The following PLEKHA3 variants were observed in gnomAD, a reference collection of about 807,000 sequenced individuals.
PLEKHA3 encodes the protein pleckstrin homology domain-containing family A member 3.
A neutral mutation model predicts 39.2 loss-of-function variants in PLEKHA3; 19 were observed. That is an observed-to-expected ratio of 0.48 (90% CI 0.34 to 0.71). The LOEUF (loss-of-function observed/expected upper bound fraction) is 0.71. Among genes scored for constraint, PLEKHA3 ranks in the 30% least tolerant of loss-of-function variants. The pLI, the probability that PLEKHA3 is intolerant of heterozygous loss-of-function variation, is 0.01. For synonymous variants in PLEKHA3, 97 were observed against 118.6 expected (o/e 0.82, Z 1.18); for missense variants, 253 against 359.5 (o/e 0.70, Z 2.40).
At position 178,514,410 on chromosome 2, in the gene PLEKHA3, T is replaced by A. The variant is rs1317549427; in HGVS notation, c.*10523T>A. On this transcript the variant is annotated 3_prime_UTR_variant, in exon 8 of 8. Coordinates refer to ENST00000234453, the MANE Select transcript of PLEKHA3 (RefSeq NM_019091.4). ...TCTAACTTTGCATAACTTTGCTAGA[T>A]TATATATATCTTTACTCACAATAAG... The A allele has an allele frequency of 2.0e-5, 3 of 152,112 alleles. No homozygotes were observed. Among genetic ancestry groups the A allele is most frequent in the Non-Finnish European group, 4.4e-5 (3 of 68,018 alleles). 9.4% of individuals were successfully genotyped at this position (152,112 alleles called of 1,614,324 possible).
rs1685731542 is a variant in PLEKHA3, at chr2:178,514,454, A to G, written c.*10567A>G. On this transcript the variant is annotated 3_prime_UTR_variant, in exon 8 of 8. Transcript: ENST00000234453. ...CAATAAGCAAAGTTGAACAACTTAA[A>G]ATTGATTCCCTGTTTTCTGTTTTCA... The G allele has an allele frequency of 6.6e-6, 1 of 152,054 alleles. No individual in the cohort carries two copies. The highest frequency in any genetic ancestry group is 2.4e-5 in the African/African-American group (1 of 41,410). 9.4% of individuals were successfully genotyped at this position (152,054 alleles called of 1,614,324 possible). A position where few individuals can be genotyped will look rare whatever the true frequency, so the allele number is the denominator to read the frequency against.
At chr2:178,497,705 T>C (rs1012443798) in intron 5 of PLEKHA3, among the ~76,000 whole-genome samples, 2 of 152,156 alleles carry the variant, frequency 1.3e-5, no homozygotes, top group Non-Finnish European at 2.9e-5. Context: ...GCTGTGTTCC[T>C]GAGGTTGATA....
Position 178,499,203 on chromosome 2 carries a change from AT to A in PLEKHA3, c.616-5del. On this transcript the variant is annotated splice_polypyrimidine_tract_variant and splice_region_variant and intron_variant, in intron 5 of 7. Coordinates refer to ENST00000234453, the MANE Select transcript of PLEKHA3 (RefSeq NM_019091.4). ...GCTAATTTTTTTTTTTTTTTCCAAA[AT>A]TTCTAGATGAAGCGTTCTGTCAGCC... 6.3e-7 allele frequency: 1 copy of A among 1,597,554 alleles called. No individual in the cohort carries two copies. Among genetic ancestry groups the A allele is most frequent in the Non-Finnish European group, 8.5e-7 (1 of 1,174,370 alleles).
At position 178,502,519 on chromosome 2, in the gene PLEKHA3, C is replaced by G. The variant is rs1003003178; in HGVS notation, c.776-1241C>G. ...CTCTGATTCTCTTTATTCTTTATGCCTTTTACACATGACTCTTAATCCAGA... is the reference window on the plus strand; with the variant it reads ...CTCTGATTCTCTTTATTCTTTATGCGTTTTACACATGACTCTTAATCCAGA... On this transcript the variant is annotated intron_variant, in intron 7 of 7. Coordinates refer to ENST00000234453, the MANE Select transcript of PLEKHA3 (RefSeq NM_019091.4). 6 of 205,418 alleles carry G rather than the reference C, an allele frequency of 2.9e-5. No homozygotes were observed. In the Admixed American group the frequency reaches 3.0e-4, roughly 10 times the overall value. The allele number at this position is 205,418 out of a possible 1,614,324, so 12.7% of individuals were successfully genotyped here.
At chr2:178,502,701 T>G (rs189716509) in intron 7 of PLEKHA3, among the ~76,000 whole-genome samples, 3 of 151,976 alleles carry the variant, frequency 2.0e-5, no homozygotes, top group Non-Finnish European at 4.4e-5. Context: ...CCTGAATATT[T>G]GAAAACAATT....
rs1246431999 is a variant in PLEKHA3 at position 178,512,005 on chromosome 2, C to G, written c.*8118C>G. On this transcript the variant is annotated 3_prime_UTR_variant, in exon 8 of 8. Transcript: ENST00000234453. ...ATTTACTGTGGGCCAGGTGCTTTAC[C>G]TCATGTTAGCCTTATAACAGAGATG... 6.6e-6 allele frequency: 1 copy of G among 152,198 alleles called. No individual in the cohort carries two copies. The highest frequency in any genetic ancestry group is 2.4e-5 in the African/African-American group (1 of 41,428). The allele number at this position is 152,198 out of a possible 1,614,324, so 9.4% of individuals were successfully genotyped here. A position where few individuals can be genotyped will look rare whatever the true frequency, so the allele number is the denominator to read the frequency against.
rs899866661 is a variant in PLEKHA3 at position 178,505,738 on chromosome 2, G to T, written c.*1851G>T. The T allele has an allele frequency of 4.6e-5, 7 of 151,772 alleles. No homozygotes were observed. The highest frequency in any genetic ancestry group is 8.8e-5 in the Non-Finnish European group (6 of 67,842). 9.4% of individuals were successfully genotyped at this position (151,772 alleles called of 1,614,324 possible). ...AAAATAATCACATCCATTTTCTATT[G>T]CTTTACCCAAATAGATGGGTTCGTG... On this transcript the variant is annotated 3_prime_UTR_variant, in exon 8 of 8. Coordinates refer to ENST00000234453, the MANE Select transcript of PLEKHA3 (RefSeq NM_019091.4).
rs1685736284 is a variant in PLEKHA3, at chr2:178,514,753, C to T, written c.*10866C>T. 6.6e-6 allele frequency: 1 copy of T among 150,856 alleles called. No homozygotes were observed. Among genetic ancestry groups the T allele is most frequent in the Admixed American group, 6.6e-5 (1 of 15,136 alleles). 9.3% of individuals were successfully genotyped at this position (150,856 alleles called of 1,614,324 possible). A position where few individuals can be genotyped will look rare whatever the true frequency, so the allele number is the denominator to read the frequency against. ...GCATATCAGTGCTTTACCTTAGTCA[C>T]TTTTTGTGTTTTGATCACCCTTAGT... is the stretch of plus-strand genomic sequence containing the variant. On this transcript the variant is annotated 3_prime_UTR_variant, in exon 8 of 8. Transcript: ENST00000234453.
At chr2:178,481,049 T>C (rs1685154844) in intron 1 of PLEKHA3, 140 bp downstream of exon 1, 3 of 746,406 alleles carry the variant, frequency 4.0e-6, no homozygotes, top group Non-Finnish European at 5.7e-6. Context: ...GCTTGTTGAG[T>C]CCTTCTGGCC....
intron 1 of PLEKHA3, among the ~76,000 whole-genome samples, chr2:178,484,537 T>TC (rs1685217790): frequency 6.6e-6 from 1 of 152,182 alleles, no homozygotes; most frequent in South Asian, 2.1e-4. Flanking sequence ...CTGACCCATC[T>TC]CCCCTCTCGG....
intron 4 of PLEKHA3, among the ~76,000 whole-genome samples, chr2:178,494,879 C>T (rs534814429): frequency 6.6e-6 from 1 of 151,812 alleles, no homozygotes; most frequent in South Asian, 2.1e-4. Flanking sequence ...AACAAAAATC[C>T]CAGAAATTCC....
rs1248412655 is a variant in PLEKHA3 at position 178,514,169 on chromosome 2, A to G, written c.*10282A>G. 6.7e-6 allele frequency: 1 copy of G among 148,706 alleles called. No homozygotes were observed. The highest frequency in any genetic ancestry group is 6.7e-5 in the Admixed American group (1 of 14,904). The allele number at this position is 148,706 out of a possible 1,614,324, so 9.2% of individuals were successfully genotyped here. On this transcript the variant is annotated 3_prime_UTR_variant, in exon 8 of 8. Transcript: ENST00000234453. Reference sequence around the variant, plus strand: ...GTACGCACACTTACTGTGGTTTACCATCATGACCATGGATAGCAAACTGCC... The same window carrying G: ...GTACGCACACTTACTGTGGTTTACCGTCATGACCATGGATAGCAAACTGCC...
chr2:178,513,748 T>G lies in PLEKHA3; in HGVS notation c.*9861T>G, dbSNP rs1008839619. 1.0e-4 allele frequency: 15 copies of G among 149,890 alleles called. No homozygotes were observed. Among genetic ancestry groups the G allele is most frequent in the African/African-American group, 2.9e-4 (12 of 41,038 alleles). The allele number at this position is 149,890 out of a possible 1,614,324, so 9.3% of individuals were successfully genotyped here. The stretch of plus-strand genomic sequence containing the variant: ...TTGGTCAAAATAGAGAGTTGTGGGT[T>G]TTTTTTTTTGTTTGACAACAATCAA... On this transcript the variant is annotated 3_prime_UTR_variant, in exon 8 of 8. Transcript: ENST00000234453.
chr2:178,497,851 A>T (rs1175017445), intron 5 of PLEKHA3, among the ~76,000 whole-genome samples: 2 of 152,192 alleles, frequency 1.3e-5, no homozygotes, highest in Non-Finnish European at 2.9e-5. Context: ...AGTCCAGAGA[A>T]GTCAATGCGT....
At chr2:178,494,325 T>C (rs879549820) in intron 4 of PLEKHA3, among the ~76,000 whole-genome samples, 2 of 152,188 alleles carry the variant, frequency 1.3e-5, no homozygotes, top group Non-Finnish European at 1.5e-5. Flanking sequence ...TCTCTTTTTT[T>C]GGTAATAAGG....
In PLEKHA3 at chr2:178,513,960, G is replaced by A. The variant is rs1685724432; in HGVS notation, c.*10073G>A. 1 of 152,126 alleles carries A rather than the reference G, an allele frequency of 6.6e-6. No individual in the cohort carries two copies. Among genetic ancestry groups the A allele is most frequent in the African/African-American group, 2.4e-5 (1 of 41,414 alleles). 9.4% of individuals were successfully genotyped at this position (152,126 alleles called of 1,614,324 possible). A position where few individuals can be genotyped will look rare whatever the true frequency, so the allele number is the denominator to read the frequency against. On this transcript the variant is annotated 3_prime_UTR_variant, in exon 8 of 8. Transcript: ENST00000234453. The stretch of plus-strand genomic sequence containing the variant: ...CCAGTGGTATTTGTGGTCGCTAGGG[G>A]TTGCTGGGTTATCCAAGTGATTCAG...
At position 178,490,925 on chromosome 2, in the gene PLEKHA3, A is replaced by G. The variant is rs1685332961; in HGVS notation, c.313+111A>G. ...ATCTATCCCAAGGAAATAATTAGAAATGTAGATTTACGTATATCTTTATCA... is the reference window on the plus strand; with the variant it reads ...ATCTATCCCAAGGAAATAATTAGAAGTGTAGATTTACGTATATCTTTATCA... On this transcript the variant is annotated intron_variant, in intron 3 of 7. Coordinates refer to ENST00000234453, the MANE Select transcript of PLEKHA3 (RefSeq NM_019091.4). 4.6e-6 allele frequency: 4 copies of G among 867,874 alleles called. No homozygotes were observed. In the South Asian group the frequency reaches 7.4e-5, roughly 16 times the overall value. The allele number at this position is 867,874 out of a possible 1,614,324, so 53.8% of individuals were successfully genotyped here.
chr2:178,503,926 G>A lies in PLEKHA3; in HGVS notation c.*39G>A, dbSNP rs1245997134. ...TCCAACTTCCTCTAAGTATTGCTATGCAAAAGCTGCTGTAATTAAACTATT... is the reference window on the plus strand; with the variant it reads ...TCCAACTTCCTCTAAGTATTGCTATACAAAAGCTGCTGTAATTAAACTATT... On this transcript the variant is annotated 3_prime_UTR_variant, in exon 8 of 8. Coordinates refer to ENST00000234453, the MANE Select transcript of PLEKHA3 (RefSeq NM_019091.4). 1.2e-6 allele frequency: 2 copies of A among 1,604,642 alleles called. No homozygotes were observed. Among genetic ancestry groups the A allele is most frequent in the Non-Finnish European group, 1.7e-6 (2 of 1,173,384 alleles).
chr2:178,488,928 T>A (rs756532189), intron 2 of PLEKHA3: 14 of 442,344 alleles, frequency 3.2e-5, no homozygotes, highest in South Asian at 2.4e-4. Context: ...TCTTTTCTGA[T>A]GTTTTGGAAG....
Sources: gnomAD v4.1 joint callset for allele counts (sites outside exome capture counted in the v4.1 genomes callset) on GRCh38, gnomAD v4.1.1 for gene constraint, MANE v1.5 for transcripts, NCBI Gene and HGNC (gene_info 2026-07-23, HGNC 2026-07-21) for gene names.